Variants in PRDM5 observed in about 807,000 individuals in gnomAD.
The protein encoded by PRDM5 is PR/SET domain 5.
PRDM5 carries 56 observed loss-of-function variants against 81.2 expected under a neutral mutation model. That is an observed-to-expected ratio of 0.69 (90% CI 0.56 to 0.86). The LOEUF (loss-of-function observed/expected upper bound fraction) is 0.86, where lower values mean the gene tolerates loss of function less well. PRDM5 is among the 40% of genes least tolerant of loss of function. The pLI is 0.00. For synonymous variants in PRDM5, 267 were observed against 256.4 expected (o/e 1.04, Z -0.39); for missense variants, 697 against 770.1 (o/e 0.91, Z 1.12).
At chr4:120,808,337 T>A (rs1182193496) in intron 8 of PRDM5, among the ~76,000 whole-genome samples, 1 of 152,000 alleles carries the variant, frequency 6.6e-6, no homozygotes. Flanking sequence ...AGATACAGAG[T>A]GTGGACACAA....
chr4:120,829,195 G>A lies in PRDM5; in HGVS notation c.301-7850C>T, dbSNP rs912898852. Among the ~76,000 whole-genome samples, 11 of 152,018 alleles carry A rather than the reference G, an allele frequency of 7.2e-5. 1 individual carries two copies. Among genetic ancestry groups the A allele is most frequent in the South Asian group, 4.1e-4 (2 of 4,830 alleles). Reference sequence around the variant, plus strand: ...GGCCCATTCTCCAAAATTACATAGCGTAACATAAGCCATGCTTTGATAAGA... The same window carrying A: ...GGCCCATTCTCCAAAATTACATAGCATAACATAAGCCATGCTTTGATAAGA... On this transcript the variant is annotated intron_variant, in intron 3 of 15. Coordinates refer to ENST00000264808, the MANE Select transcript of PRDM5 (RefSeq NM_018699.4).
chr4:120,872,423 T>C (rs1161749834), intron 2 of PRDM5, among the ~76,000 whole-genome samples: 1 of 152,106 alleles, frequency 6.6e-6, no homozygotes, highest in Non-Finnish European at 1.5e-5. Context: ...TTAAAAACAT[T>C]ATGCCAAATG....
intron 2 of PRDM5, among the ~76,000 whole-genome samples, chr4:120,888,886 T>G (rs1763752135): frequency 6.6e-6 from 1 of 152,252 alleles, no homozygotes; most frequent in Non-Finnish European, 1.5e-5. Context: ...TCTGGACATC[T>G]TCTTGTATGA....
downstream of PRDM5, among the ~76,000 whole-genome samples, chr4:120,687,992 AT>A (rs1560856798): frequency 6.6e-6 from 1 of 152,170 alleles, no homozygotes. Flanking sequence ...ACTAATACAG[AT>A]TAGTAACAAG....
At chr4:120,700,127 C>T (rs906288452) in intron 15 of PRDM5, among the ~76,000 whole-genome samples, 1 of 151,898 alleles carries the variant, frequency 6.6e-6, no homozygotes, top group Non-Finnish European at 1.5e-5. Flanking sequence ...AGTACAGAAG[C>T]CAAAAATAAA....
At chr4:120,848,796 T>C (rs1428696808) in intron 3 of PRDM5, among the ~76,000 whole-genome samples, 1 of 152,180 alleles carries the variant, frequency 6.6e-6, no homozygotes, top group African/African-American at 2.4e-5. Flanking sequence ...GAGCAGGTAT[T>C]TAAAAACTCA....
At chr4:120,744,421 A>C (rs1742639569) in intron 14 of PRDM5, among the ~76,000 whole-genome samples, 1 of 152,132 alleles carries the variant, frequency 6.6e-6, no homozygotes, top group African/African-American at 2.4e-5. Context: ...GGCAACAAAT[A>C]ACTAAAATCA....
At chr4:120,819,895 T>C (rs147079567) in intron 4 of PRDM5, among the ~76,000 whole-genome samples, 4 of 152,284 alleles carry the variant, frequency 2.6e-5, no homozygotes, top group Admixed American at 6.5e-5. Flanking sequence ...AACAGAAGCA[T>C]AAGCTGGCAA....
At chr4:120,849,125 G>A (rs1758977275) in intron 3 of PRDM5, among the ~76,000 whole-genome samples, 1 of 152,096 alleles carries the variant, frequency 6.6e-6, no homozygotes, top group Non-Finnish European at 1.5e-5. Flanking sequence ...TTGCTTAGTT[G>A]GTACTGCTGC....
chr4:120,909,733 C>G (rs1766275862), intron 1 of PRDM5, among the ~76,000 whole-genome samples: 2 of 151,962 alleles, frequency 1.3e-5, no homozygotes, highest in South Asian at 4.2e-4. Context: ...GCGGGGGAAG[C>G]CTGCTTGGAT....
chr4:120,785,937 C>T (rs1032691181), intron 10 of PRDM5, among the ~76,000 whole-genome samples: 2 of 152,096 alleles, frequency 1.3e-5, no homozygotes, highest in Non-Finnish European at 2.9e-5. Flanking sequence ...ACTGCTCACT[C>T]CACCTCTTTT....
intron 15 of PRDM5, among the ~76,000 whole-genome samples, chr4:120,702,800 C>T (rs184614153): frequency 2.2e-4 from 33 of 152,262 alleles, no homozygotes; most frequent in African/African-American, 7.7e-4. Context: ...AACATTTATT[C>T]CCATGTTCTA....
rs374500219 is a variant in PRDM5, at chr4:120,853,481, G to C, written c.237C>G (p.Ser79=). Residue 79 remains serine (S), a synonymous_variant, in exon 3 of 16, where the codon TCC becomes TCG. Transcript: ENST00000264808. ...YILDATNPRH[S]NWLRFVHEAP... The stretch of plus-strand genomic sequence containing the variant: ...CCTCATGAACGAAGCGAAGCCAGTT[G>C]GAGTGCCGTGGGTTGGTAGCATCCA... The C allele has an allele frequency of 2.5e-6, 4 of 1,613,658 alleles. No individual in the cohort carries two copies. In the Admixed American group the frequency reaches 6.7e-5, roughly 27 times the overall value.
At chr4:120,688,776 G>A (rs1429053443), downstream of PRDM5, among the ~76,000 whole-genome samples, 1 of 152,048 alleles carries the variant, frequency 6.6e-6, no homozygotes, top group Non-Finnish European at 1.5e-5. Context: ...TCATTTAGCT[G>A]TATACATGAA....
intron 3 of PRDM5, among the ~76,000 whole-genome samples, chr4:120,849,204 T>C (rs985701636): frequency 6.6e-6 from 1 of 152,170 alleles, no homozygotes; most frequent in African/African-American, 2.4e-5. Context: ...CAATGGAGAA[T>C]GTCTTATCTG....
intron 2 of PRDM5, among the ~76,000 whole-genome samples, chr4:120,874,211 T>C (rs919394321): frequency 4.6e-5 from 7 of 152,176 alleles, no homozygotes; most frequent in African/African-American, 1.7e-4. Context: ...ATTCTTCCTA[T>C]CATTAATGAA....
intron 5 of PRDM5, chr4:120,818,079 T>C (rs1031550493): frequency 1.1e-5 from 4 of 357,552 alleles, no homozygotes; most frequent in African/African-American, 8.3e-5. Context: ...TGATACATAA[T>C]GGCAAATTAA....
intron 7 of PRDM5, among the ~76,000 whole-genome samples, chr4:120,812,015 C>T (rs1753909745): frequency 6.6e-6 from 1 of 152,042 alleles, no homozygotes; most frequent in Admixed American, 6.5e-5. Flanking sequence ...CCATTTTATT[C>T]ACCCCCTCCC....
At chr4:120,844,680 G>T (rs371750453) in intron 3 of PRDM5, among the ~76,000 whole-genome samples, 9 of 152,072 alleles carry the variant, frequency 5.9e-5, no homozygotes, top group African/African-American at 1.7e-4. Context: ...CTGAAATGAG[G>T]TCAATTAATA....
Sources: gnomAD v4.1 joint callset for allele counts (sites outside exome capture counted in the v4.1 genomes callset) on GRCh38, gnomAD v4.1.1 for gene constraint, MANE v1.5 for transcripts, NCBI Gene and HGNC (gene_info 2026-07-23, HGNC 2026-07-21) for gene names.